CNOT6L: variants seen among roughly 807,000 people sequenced by gnomAD.
CNOT6L encodes CCR4-NOT transcription complex subunit 6 like, also known as CCR4-NOT transcription complex subunit 6-like.
In CNOT6L, 7 loss-of-function variants were observed where a neutral mutation model predicts 64.0. The ratio of observed to expected loss-of-function variants is 0.11; its 90% CI spans 0.06 to 0.21. The LOEUF is 0.21. Among genes scored for constraint, CNOT6L ranks in the 10% least tolerant of loss-of-function variants. CNOT6L has a pLI of 1.00. For missense variants in CNOT6L, 245 were observed against 669.0 expected, an observed-to-expected ratio of 0.37 and a Z score of 6.99; for synonymous variants, 193 against 243.4, an observed-to-expected ratio of 0.79 and a Z score of 1.93.
chr4:77,819,122 G>T, intron 1 of CNOT6L, 182 bp downstream of exon 1: 2 of 1,068,400 alleles, frequency 1.9e-6, no homozygotes, highest in Non-Finnish European at 2.7e-6. Context: ...CAGCCCCGCC[G>T]CCCCCTCCAG....
Position 77,783,235 on chromosome 4 carries a change from G to A in CNOT6L, c.6-6843C>T, listed in dbSNP as rs573960793. ...AAAAAATAACCTTCAGACTTTTGAA[G>A]TCTAATGTTTCTGACCAGTTTAACA... On this transcript the variant is annotated intron_variant, in intron 1 of 11. Transcript: ENST00000504123. Among the ~76,000 whole-genome samples, 25 of 148,530 alleles carry A rather than the reference G, an allele frequency of 1.7e-4. No homozygotes were observed. In the East Asian group the frequency reaches 5.0e-3, roughly 29 times the overall value.
intron 9 of CNOT6L, among the ~76,000 whole-genome samples, chr4:77,730,684 A>G (rs1224212022): frequency 1.3e-5 from 2 of 152,128 alleles, no homozygotes; most frequent in Non-Finnish European, 2.9e-5. Context: ...GGTTTGACAC[A>G]TATGCATGGT....
At chr4:77,783,058 A>C (rs184203040) in intron 1 of CNOT6L, among the ~76,000 whole-genome samples, 4 of 151,746 alleles carry the variant, frequency 2.6e-5, no homozygotes, top group Admixed American at 2.6e-4. Context: ...TATACATTCA[A>C]CTAAAGTCCA....
chr4:77,742,933 TGA>T (rs1723751904), intron 7 of CNOT6L, among the ~76,000 whole-genome samples: 1 of 152,184 alleles, frequency 6.6e-6, no homozygotes, highest in African/African-American at 2.4e-5. Context: ...TCTAACAGCA[TGA>T]GTTTATGACA....
chr4:77,740,867 A>C (rs1560581509), intron 8 of CNOT6L, among the ~76,000 whole-genome samples: 1 of 152,174 alleles, frequency 6.6e-6, no homozygotes, highest in Non-Finnish European at 1.5e-5. Flanking sequence ...CTCAAATGCC[A>C]TTGTATTACA....
intron 1 of CNOT6L, among the ~76,000 whole-genome samples, chr4:77,806,536 T>A (rs1320300887): frequency 6.6e-6 from 1 of 152,206 alleles, no homozygotes; most frequent in Admixed American, 6.5e-5. Flanking sequence ...TAGAGCTACA[T>A]CTTGCAGTAT....
At chr4:77,722,970 AAC>A (rs1019715496) in intron 11 of CNOT6L, among the ~76,000 whole-genome samples, 5 of 77,772 alleles carry the variant, frequency 6.4e-5, no homozygotes, top group African/African-American at 1.8e-4. Context: ...AAAAAGTCAA[AAC>A]ACAACGAAAA....
At chr4:77,771,221 G>A (rs1312192046) in intron 4 of CNOT6L, among the ~76,000 whole-genome samples, 2 of 152,144 alleles carry the variant, frequency 1.3e-5, no homozygotes, top group Non-Finnish European at 2.9e-5. Context: ...GCTGAGGCAG[G>A]AGAATCACTT....
chr4:77,778,256 T>C (rs1394952030), intron 1 of CNOT6L, among the ~76,000 whole-genome samples: 1 of 152,040 alleles, frequency 6.6e-6, no homozygotes, highest in East Asian at 1.9e-4. Context: ...TGGGTAATAA[T>C]AAAAGAGTCT....
chr4:77,791,209 G>A (rs913655563), intron 1 of CNOT6L, among the ~76,000 whole-genome samples: 3 of 152,042 alleles, frequency 2.0e-5, no homozygotes, highest in Non-Finnish European at 4.4e-5. Context: ...CCGGGAAGTG[G>A]GAGCTGCAGT....
At chr4:77,812,224 C>A (rs1236331682) in intron 1 of CNOT6L, among the ~76,000 whole-genome samples, 2 of 151,842 alleles carry the variant, frequency 1.3e-5, no homozygotes, top group African/African-American at 2.4e-5. Context: ...GCAGGTGGAT[C>A]ACGAGGTCGG....
intron 10 of CNOT6L, among the ~76,000 whole-genome samples, chr4:77,728,262 G>A (rs1466209959): frequency 1.3e-5 from 2 of 152,280 alleles, no homozygotes; most frequent in African/African-American, 2.4e-5. Flanking sequence ...AGAGCTACAC[G>A]TAATGAATAT....
chr4:77,767,834 C>T (rs914684794), intron 4 of CNOT6L, among the ~76,000 whole-genome samples: 2 of 151,816 alleles, frequency 1.3e-5, no homozygotes, highest in Admixed American at 1.3e-4. Flanking sequence ...CAAAAACTAG[C>T]TGGGCATGGT....
intron 1 of CNOT6L, among the ~76,000 whole-genome samples, chr4:77,787,450 C>T (rs928204743): frequency 3.3e-5 from 5 of 152,180 alleles, no homozygotes; most frequent in African/African-American, 9.7e-5. Flanking sequence ...CTTAAAATCC[C>T]TGTACTTATA....
chr4:77,797,885 T>C (rs1407304223), intron 1 of CNOT6L, among the ~76,000 whole-genome samples: 1 of 152,182 alleles, frequency 6.6e-6, no homozygotes, highest in Non-Finnish European at 1.5e-5. Context: ...GCCAAAATTA[T>C]AAAATATCTA....
At chr4:77,795,873 G>T (rs931579643) in intron 1 of CNOT6L, among the ~76,000 whole-genome samples, 6 of 152,108 alleles carry the variant, frequency 3.9e-5, no homozygotes, top group African/African-American at 1.4e-4. Context: ...TCATGGGTCA[G>T]AAGAATCAAT....
chr4:77,774,003 T>C (rs1727890543), intron 3 of CNOT6L, among the ~76,000 whole-genome samples: 1 of 152,284 alleles, frequency 6.6e-6, no homozygotes, highest in South Asian at 2.1e-4. Flanking sequence ...TTAAAAATTA[T>C]TACTCAACAG....
intron 1 of CNOT6L, chr4:77,819,048 C>CCACACACACACACACACACACACACACA (rs1560445843): frequency 1.9e-6 from 1 of 526,580 alleles, no homozygotes; most frequent in Non-Finnish European, 3.3e-6. Flanking sequence ...GGGCCACCCC[C>CCACACACACACACACACACACACACACA]GACACACACA....
chr4:77,768,470 AATAAATATATATAT>A (rs1365995350), intron 4 of CNOT6L, among the ~76,000 whole-genome samples: 27 of 134,406 alleles, frequency 2.0e-4, no homozygotes, highest in African/African-American at 6.8e-4. Context: ...GTCTAAAATA[AATAAATATATATAT>A]ATATATATAT....
Sources: gnomAD v4.1 joint callset for allele counts (sites outside exome capture counted in the v4.1 genomes callset) on GRCh38, gnomAD v4.1.1 for gene constraint, MANE v1.5 for transcripts, NCBI Gene and HGNC (gene_info 2026-07-23, HGNC 2026-07-21) for gene names.